The following SORCS1 variants were observed in gnomAD, a reference collection of about 807,000 sequenced individuals.
SORCS1 encodes the protein VPS10 domain-containing receptor SorCS1.
In SORCS1, 60 loss-of-function variants were observed where a neutral mutation model predicts 146.1. The observed-to-expected ratio is 0.41, with a 90% CI of 0.33 to 0.51. The LOEUF (loss-of-function observed/expected upper bound fraction) is 0.51. Among genes scored for constraint, SORCS1 ranks in the 20% least tolerant of loss-of-function variants. The pLI, the probability that SORCS1 is intolerant of heterozygous loss-of-function variation, is 0.21. For missense variants in SORCS1, 1,352 were observed against 1,487.6 expected (o/e 0.91, Z 1.50); for synonymous variants, 637 against 584.0 (o/e 1.09, Z -1.31).
At chr10:107,019,174 T>C (rs186986813) in intron 1 of SORCS1, among the ~76,000 whole-genome samples, 44 of 152,370 alleles carry the variant, frequency 2.9e-4, no homozygotes, top group African/African-American at 9.6e-4. Context: ...TTGTAGATTG[T>C]AGATCTAGCC....
intron 12 of SORCS1, 80 bp downstream of exon 12, chr10:106,679,176 A>G: frequency 9.3e-7 from 1 of 1,071,438 alleles, no homozygotes; most frequent in African/African-American, 1.6e-5. Context: ...ACCGCTGAAA[A>G]AAGTTCCCAG....
chr10:107,126,659 T>C lies in SORCS1; in HGVS notation c.558+37310A>G, dbSNP rs148758230. 5.8e-3 allele frequency among the ~76,000 whole-genome samples: 884 copies of C among 152,240 alleles called. 5 individuals are homozygous for C. The highest frequency in any genetic ancestry group is 0.01 in the Non-Finnish European group (685 of 68,010). ...CTGTCTCCATGTCATCAGCTCATTA[T>C]GAAACACTAAGGAGAGGGGACACAA... On this transcript the variant is annotated intron_variant, in intron 1 of 25. Transcript: ENST00000263054.
chr10:106,649,191 A>G (rs1019505290), intron 18 of SORCS1, among the ~76,000 whole-genome samples: 1 of 152,196 alleles, frequency 6.6e-6, no homozygotes, highest in Non-Finnish European at 1.5e-5. Context: ...GCGACAAGGT[A>G]GAAGGTCTAA....
intron 1 of SORCS1, among the ~76,000 whole-genome samples, chr10:106,966,866 C>T (rs1955519092): frequency 6.6e-6 from 1 of 151,990 alleles, no homozygotes; most frequent in Non-Finnish European, 1.5e-5. Flanking sequence ...TTGCTGAAAG[C>T]TAAGTTCCTT....
At chr10:106,829,245 G>A (rs892631849) in intron 3 of SORCS1, among the ~76,000 whole-genome samples, 3 of 152,170 alleles carry the variant, frequency 2.0e-5, no homozygotes, top group Admixed American at 1.3e-4. Flanking sequence ...CTTTTCTGCT[G>A]TCTTGTCAAG....
At chr10:107,162,646 C>T (rs1005557266) in intron 1 of SORCS1, among the ~76,000 whole-genome samples, 1 of 152,170 alleles carries the variant, frequency 6.6e-6, no homozygotes, top group Non-Finnish European at 1.5e-5. Flanking sequence ...CATGATGTGC[C>T]TTAATACAAT....
At chr10:107,067,527 T>C (rs982476247) in intron 1 of SORCS1, among the ~76,000 whole-genome samples, 6 of 152,182 alleles carry the variant, frequency 3.9e-5, no homozygotes, top group Non-Finnish European at 5.9e-5. Flanking sequence ...TATAACTATA[T>C]TGATAAGATA....
intron 1 of SORCS1, among the ~76,000 whole-genome samples, chr10:106,976,552 C>G (rs983328930): frequency 2.6e-5 from 4 of 151,982 alleles, no homozygotes; most frequent in African/African-American, 9.7e-5. Context: ...AGGATGGTCT[C>G]GATCTCCTGA....
intron 2 of SORCS1, among the ~76,000 whole-genome samples, chr10:106,941,673 C>G (rs1954048792): frequency 6.6e-6 from 1 of 152,204 alleles, no homozygotes; most frequent in Non-Finnish European, 1.5e-5. Context: ...GTAAGGTCAA[C>G]TTAGACTCCA....
At chr10:106,823,652 A>G (rs1447081041) in intron 3 of SORCS1, among the ~76,000 whole-genome samples, 2 of 152,256 alleles carry the variant, frequency 1.3e-5, no homozygotes, top group Non-Finnish European at 2.9e-5. Context: ...AGTATTAGAC[A>G]TGGTCAAGAA....
At chr10:106,832,263 ACCGCAACTT>A (rs1227791276) in intron 2 of SORCS1, among the ~76,000 whole-genome samples, 2 of 145,014 alleles carry the variant, frequency 1.4e-5, no homozygotes, top group African/African-American at 2.6e-5. Context: ...ATCTCTGCTC[ACCGCAACTT>A]CCGCCTTCTG....
intron 18 of SORCS1, among the ~76,000 whole-genome samples, chr10:106,636,092 G>T (rs1225650739): frequency 6.6e-6 from 1 of 152,160 alleles, no homozygotes. Flanking sequence ...TACAAAGTGA[G>T]AGTGCAAGTA....
At chr10:106,762,566 T>C (rs946144090) in intron 4 of SORCS1, among the ~76,000 whole-genome samples, 1 of 151,456 alleles carries the variant, frequency 6.6e-6, no homozygotes, top group African/African-American at 2.4e-5. Context: ...CTAATTTTTT[T>C]TTTTGTATTT....
chr10:106,592,171 G>T (rs1342948859), intron 24 of SORCS1, among the ~76,000 whole-genome samples: 1 of 152,144 alleles, frequency 6.6e-6, no homozygotes, highest in Non-Finnish European at 1.5e-5. Flanking sequence ...TCCGCAAAGA[G>T]AATTTCAGAA....
chr10:106,886,298 C>G (rs1028577448), intron 2 of SORCS1, among the ~76,000 whole-genome samples: 7 of 152,002 alleles, frequency 4.6e-5, no homozygotes, highest in Non-Finnish European at 1.0e-4. Context: ...AACCCAAAAC[C>G]CTCTTTCTCT....
intron 1 of SORCS1, among the ~76,000 whole-genome samples, chr10:106,989,271 G>GAAAAA (rs1161174866): frequency 1.3e-5 from 1 of 75,672 alleles, no homozygotes; most frequent in African/African-American, 6.4e-5. Flanking sequence ...CTCCACCTCA[G>GAAAAA]AAAAAAAAAA....
intron 18 of SORCS1, among the ~76,000 whole-genome samples, chr10:106,649,175 G>A (rs1463009919): frequency 1.3e-5 from 2 of 152,180 alleles, no homozygotes; most frequent in Non-Finnish European, 2.9e-5. Context: ...AAAGCCGTCT[G>A]TCCTTGCGAC....
chr10:107,146,479 C>T (rs974560743), intron 1 of SORCS1, among the ~76,000 whole-genome samples: 8 of 152,086 alleles, frequency 5.3e-5, no homozygotes, highest in East Asian at 3.9e-4. Flanking sequence ...GACTACAGAA[C>T]GTGAGTGGAT....
At chr10:107,023,796 C>G (rs1004166229) in intron 1 of SORCS1, among the ~76,000 whole-genome samples, 1 of 151,962 alleles carries the variant, frequency 6.6e-6, no homozygotes, top group Non-Finnish European at 1.5e-5. Context: ...ATTCTTACTT[C>G]CTAAAGCTTT....
Sources: gnomAD v4.1 joint callset for allele counts (sites outside exome capture counted in the v4.1 genomes callset) on GRCh38, gnomAD v4.1.1 for gene constraint, MANE v1.5 for transcripts, NCBI Gene and HGNC (gene_info 2026-07-23, HGNC 2026-07-21) for gene names.